Variants in C9 observed in about 807,000 individuals in gnomAD.
C9 encodes complement C9.
In C9, 63 loss-of-function variants were observed where a neutral mutation model predicts 65.4. That is an observed-to-expected ratio of 0.96 (90% confidence interval 0.79 to 1.19). The LOEUF is 1.19. Ranked by LOEUF, C9 falls within the 50% of genes most tolerant of loss-of-function variation. The pLI is 0.00. For synonymous variants in C9, 229 were observed against 227.9 expected (o/e 1.00, Z -0.04); for missense variants, 744 against 670.1 (o/e 1.11, Z -1.22).
intron 5 of C9, among the ~76,000 whole-genome samples, chr5:39,322,362 T>C (rs1753678885): frequency 1.3e-5 from 2 of 151,998 alleles, no homozygotes; most frequent in African/African-American, 4.8e-5. Flanking sequence ...AAGTTTACAG[T>C]AATAAATGCT....
At chr5:39,300,952 A>G (rs1215610805) in intron 9 of C9, among the ~76,000 whole-genome samples, 2 of 152,074 alleles carry the variant, frequency 1.3e-5, no homozygotes, top group African/African-American at 4.8e-5. Flanking sequence ...TGTATTCCTT[A>G]TTTTAGTGAG....
At chr5:39,315,741 T>C (rs770906281) in intron 6 of C9, 34 bp downstream of exon 6, 14 of 1,504,154 alleles carry the variant, frequency 9.3e-6, no homozygotes, top group African/African-American at 1.4e-5. Flanking sequence ...GTTTGGAACC[T>C]TTCTATATTC....
At chr5:39,306,527 T>G in intron 9 of C9, 90 bp downstream of exon 9, 1 of 1,048,762 alleles carries the variant, frequency 9.5e-7, no homozygotes, top group Non-Finnish European at 1.5e-6. Flanking sequence ...CACGTCTCTT[T>G]CAGATGAAGC....
At chr5:39,341,727 G>C in intron 2 of C9, 27 bp from the exon 3 acceptor site, 4 of 1,611,898 alleles carry the variant, frequency 2.5e-6, no homozygotes, top group Non-Finnish European at 2.5e-6. Context: ...GGAATGATTA[G>C]AATTTCTAAT....
intron 9 of C9, among the ~76,000 whole-genome samples, chr5:39,297,258 T>C (rs1753201918): frequency 6.6e-6 from 1 of 151,598 alleles, no homozygotes; most frequent in Non-Finnish European, 1.5e-5. Flanking sequence ...AATATCACTA[T>C]GTACCCCATA....
At chr5:39,332,567 A>G (rs1026987733) in intron 4 of C9, among the ~76,000 whole-genome samples, 2 of 152,264 alleles carry the variant, frequency 1.3e-5, no homozygotes, top group African/African-American at 4.8e-5. Flanking sequence ...CTTGTGAAAT[A>G]TACCTCTGTT....
At chr5:39,307,026 T>C (rs2910958) in intron 8 of C9, among the ~76,000 whole-genome samples, 57,217 of 151,714 alleles carry the variant, frequency 0.38, 11,906 homozygotes, top group Non-Finnish European at 0.48. Context: ...AAAATAAAAA[T>C]GATACCCATG....
Position 39,339,818 on chromosome 5 carries a change from C to A in C9, c.476+1328G>T, listed in dbSNP as rs978417102. Among the ~76,000 whole-genome samples, 8 of 152,056 alleles carry A rather than the reference C, an allele frequency of 5.3e-5. No homozygotes were observed. In the East Asian group the frequency reaches 9.7e-4, roughly 18 times the overall value. ...GGGACTACAGGCACCCACCACCATG[C>A]CCTGCTGATTTTTTGTATTTTTAGT... On this transcript the variant is annotated intron_variant, in intron 4 of 10. Transcript: ENST00000263408.
chr5:39,327,221 C>A (rs571968245), intron 5 of C9, among the ~76,000 whole-genome samples: 1 of 152,184 alleles, frequency 6.6e-6, no homozygotes, highest in East Asian at 1.9e-4. Context: ...TACTACACTG[C>A]AGGCTATAGA....
intron 9 of C9, among the ~76,000 whole-genome samples, chr5:39,298,437 GA>G (rs1215652838): frequency 6.6e-6 from 1 of 151,326 alleles, no homozygotes; most frequent in Non-Finnish European, 1.5e-5. Context: ...AGACAAAAGG[GA>G]AAAACTTTAA....
intron 1 of C9, among the ~76,000 whole-genome samples, chr5:39,346,974 C>T (rs1422120582): frequency 6.6e-6 from 1 of 152,162 alleles, no homozygotes; most frequent in East Asian, 1.9e-4. Context: ...TTCAACAGCC[C>T]TTCATGCTAA....
intron 1 of C9, among the ~76,000 whole-genome samples, chr5:39,363,407 A>G (rs1754555640): frequency 1.3e-5 from 2 of 152,228 alleles, no homozygotes; most frequent in Non-Finnish European, 2.9e-5. Flanking sequence ...TGCAGCCAAG[A>G]GGCAGGCAAA....
In C9 at chr5:39,311,149, T is replaced by C. The variant is rs1467050467; in HGVS notation, c.1099A>G (p.Met367Val). ...ELIYVLDKASMKRKGVELKDI... is the reference protein window; with the variant it reads ...ELIYVLDKASVKRKGVELKDI... ...TTTCTAGGCATACCTTTCCGCTTCA[T>C]GGAAGCTTTATCCAAAACATATATT... Residue 367 changes from methionine to valine, a missense_variant, in exon 7 of 11, where the codon ATG becomes GTG. Physicochemically the swap from Met to Val is conservative, Grantham distance 21. Transcript: ENST00000263408. 4 of 1,613,332 alleles carry C rather than the reference T, an allele frequency of 2.5e-6. No individual in the cohort carries two copies. The highest frequency in any genetic ancestry group is 2.2e-5 in the East Asian group (1 of 44,868).
chr5:39,361,130 G>C (rs1561358659), intron 1 of C9, among the ~76,000 whole-genome samples: 7 of 151,466 alleles, frequency 4.6e-5, no homozygotes. Flanking sequence ...AAAAAGGAAA[G>C]TAAAAGAAAG....
chr5:39,299,163 G>A (rs1397782492), intron 9 of C9, among the ~76,000 whole-genome samples: 1 of 151,880 alleles, frequency 6.6e-6, no homozygotes, highest in Non-Finnish European at 1.5e-5. Context: ...CATAGAGATT[G>A]AGAAAATAAA....
intron 1 of C9, among the ~76,000 whole-genome samples, chr5:39,355,184 G>A (rs578248354): frequency 6.6e-6 from 1 of 152,286 alleles, no homozygotes; most frequent in Non-Finnish European, 1.5e-5. Flanking sequence ...AGTGAATGCT[G>A]GTTCAGAGGA....
At chr5:39,312,324 A>G (rs1225951322) in intron 6 of C9, among the ~76,000 whole-genome samples, 1 of 152,198 alleles carries the variant, frequency 6.6e-6, no homozygotes, top group Non-Finnish European at 1.5e-5. Context: ...AGTTGTTTTA[A>G]AAACAACAGT....
chr5:39,343,950 G>T (rs1754140289), intron 1 of C9, among the ~76,000 whole-genome samples: 1 of 148,990 alleles, frequency 6.7e-6, no homozygotes, highest in African/African-American at 2.6e-5. Context: ...CAACACACCT[G>T]CAGCTGAGGA....
chr5:39,336,537 T>C lies in C9; in HGVS notation c.476+4609A>G, dbSNP rs140145162. ...ATCTTAAATTTTTAAAAATCATTAC[T>C]GTAAGTAAAATTTTATTGGAAAGCT... On this transcript the variant is annotated intron_variant, in intron 4 of 10. Coordinates refer to ENST00000263408, the MANE Select transcript of C9 (RefSeq NM_001737.5). Among the ~76,000 whole-genome samples, 335 of 152,294 alleles carry C rather than the reference T, an allele frequency of 2.2e-3. 12 individuals carry two copies. In the East Asian group the frequency reaches 0.049, roughly 22 times the overall value.
Sources: gnomAD v4.1 joint callset for allele counts (sites outside exome capture counted in the v4.1 genomes callset) on GRCh38, gnomAD v4.1.1 for gene constraint, MANE v1.5 for transcripts, NCBI Gene and HGNC (gene_info 2026-07-23, HGNC 2026-07-21) for gene names.